The following LHX4 variants were observed in gnomAD, a reference collection of about 807,000 sequenced individuals.
The protein encoded by LHX4 is LIM homeobox 4.
In LHX4, 16 loss-of-function variants were observed where a neutral mutation model predicts 39.2. The observed-to-expected ratio is 0.41, with a 90% CI of 0.28 to 0.62. LHX4 has a LOEUF of 0.62. Ranked by LOEUF, LHX4 falls within the 20% of genes least tolerant of loss-of-function variation. The probability of loss-of-function intolerance (pLI) is 0.33; values close to 1 mark genes in which losing one functional copy is unlikely to be tolerated. For synonymous variants in LHX4, 206 were observed against 198.1 expected, an observed-to-expected ratio of 1.04 and a Z score of -0.33; for missense variants, 439 against 511.9, an observed-to-expected ratio of 0.86 and a Z score of 1.37.
At chr1:180,236,678 G>A (rs1327686234) in intron 1 of LHX4, among the ~76,000 whole-genome samples, 1 of 152,172 alleles carries the variant, frequency 6.6e-6, no homozygotes, top group African/African-American at 2.4e-5. Context: ...TTGTGGATGG[G>A]GGGCGGGTAG....
chr1:180,268,230 C>G (rs1011642972), intron 3 of LHX4, among the ~76,000 whole-genome samples: 22 of 152,182 alleles, frequency 1.4e-4, no homozygotes, highest in African/African-American at 5.3e-4. Flanking sequence ...AAGTCTAGTG[C>G]CGTTCATCAG....
intron 1 of LHX4, among the ~76,000 whole-genome samples, chr1:180,236,774 A>G (rs142127558): frequency 2.4e-4 from 37 of 152,246 alleles, no homozygotes; most frequent in African/African-American, 8.4e-4. Context: ...TGGGACGCAT[A>G]GGGACTTGGA....
intron 1 of LHX4, among the ~76,000 whole-genome samples, chr1:180,238,229 G>A (rs925816502): frequency 5.9e-5 from 9 of 152,164 alleles, no homozygotes; most frequent in African/African-American, 1.2e-4. Context: ...TGACTAAGCC[G>A]AAAAAGAACA....
In LHX4 at chr1:180,274,240, G is replaced by A; in HGVS notation, c.834G>A (p.Gly278=). Residue 278 remains glycine (G), a synonymous_variant, in exon 6 of 6, where the codon GGG becomes GGA. Coordinates refer to ENST00000263726, the MANE Select transcript of LHX4 (RefSeq NM_033343.4). ...GHTNRIYGNV[G]DVTGGQLMNG... is the part of the protein sequence containing the mutation. ...CCAATAGGATTTATGGCAACGTGGG[G>A]GACGTTACAGGCGGACAGTTAATGA... is the stretch of plus-strand genomic sequence containing the variant. 1 of 1,614,206 alleles carries A rather than the reference G, an allele frequency of 6.2e-7. No homozygotes were observed. Among genetic ancestry groups the A allele is most frequent in the Non-Finnish European group, 8.5e-7 (1 of 1,180,028 alleles).
At chr1:180,258,403 C>T (rs1647959806) in intron 2 of LHX4, among the ~76,000 whole-genome samples, 1 of 152,176 alleles carries the variant, frequency 6.6e-6, no homozygotes, top group Non-Finnish European at 1.5e-5. Flanking sequence ...GCCATAGTGC[C>T]TTGGTGGCCG....
chr1:180,256,769 G>A (rs1041396522), intron 2 of LHX4, among the ~76,000 whole-genome samples: 27 of 152,276 alleles, frequency 1.8e-4, no homozygotes, highest in African/African-American at 4.6e-4. Flanking sequence ...TCTCCCGCTC[G>A]GGGGAGTTTG....
At chr1:180,248,176 C>A (rs1293649375) in intron 1 of LHX4, 109 bp from the exon 2 acceptor site, 2 of 996,976 alleles carry the variant, frequency 2.0e-6, no homozygotes, top group African/African-American at 1.6e-5. Flanking sequence ...CGGTTTGGGC[C>A]ATGTCTGTTT....
At chr1:180,268,877 G>C (rs1648453743) in intron 3 of LHX4, among the ~76,000 whole-genome samples, 1 of 152,134 alleles carries the variant, frequency 6.6e-6, no homozygotes, top group African/African-American at 2.4e-5. Flanking sequence ...TGTCTTTTCA[G>C]GTTGTTTTAA....
chr1:180,262,538 T>C (rs1490889043), intron 2 of LHX4, among the ~76,000 whole-genome samples: 2 of 152,164 alleles, frequency 1.3e-5, no homozygotes, highest in Non-Finnish European at 2.9e-5. Context: ...CCCTCTAGGA[T>C]AAACACTTAC....
intron 5 of LHX4, 96 bp from the exon 6 acceptor site, chr1:180,274,089 C>A (rs1374397765): frequency 4.0e-6 from 6 of 1,489,366 alleles, no homozygotes; most frequent in East Asian, 4.5e-5. Flanking sequence ...CATCCTTGGG[C>A]ATCTTTCCTG....
At chr1:180,245,747 T>C (rs1382048059) in intron 1 of LHX4, among the ~76,000 whole-genome samples, 1 of 152,222 alleles carries the variant, frequency 6.6e-6, no homozygotes, top group Non-Finnish European at 1.5e-5. Context: ...ATTGTCATCA[T>C]CACCCCCTTT....
At chr1:180,259,517 A>T (rs923510093) in intron 2 of LHX4, among the ~76,000 whole-genome samples, 1 of 151,308 alleles carries the variant, frequency 6.6e-6, no homozygotes, top group Non-Finnish European at 1.5e-5. Context: ...GGAGGTGGGG[A>T]GGGTCCAAGC....
At chr1:180,242,820 G>A (rs75447374) in intron 1 of LHX4, among the ~76,000 whole-genome samples, 3,645 of 152,226 alleles carry the variant, frequency 0.024, 146 homozygotes, top group African/African-American at 0.083. Flanking sequence ...TAAGTGAAAC[G>A]ACTCCTCATA....
At chr1:180,248,690 G>T (rs1647483874) in intron 2 of LHX4, 1 of 577,434 alleles carries the variant, frequency 1.7e-6, no homozygotes, top group Non-Finnish European at 3.1e-6. Context: ...ATGGGGCAGG[G>T]GTGAGGAGCC....
At chr1:180,258,463 G>A (rs1159632931) in intron 2 of LHX4, among the ~76,000 whole-genome samples, 3 of 152,214 alleles carry the variant, frequency 2.0e-5, no homozygotes, top group Non-Finnish European at 2.9e-5. Flanking sequence ...CCACTGGAAG[G>A]TTTCAGCAGG....
At chr1:180,241,856 T>C (rs1193639204) in intron 1 of LHX4, among the ~76,000 whole-genome samples, 1 of 152,168 alleles carries the variant, frequency 6.6e-6, no homozygotes, top group Non-Finnish European at 1.5e-5. Flanking sequence ...CTTACTCTGT[T>C]GCCCAGACTG....
intron 2 of LHX4, among the ~76,000 whole-genome samples, chr1:180,262,244 G>A (rs1265572218): frequency 1.4e-5 from 2 of 145,398 alleles, no homozygotes; most frequent in Non-Finnish European, 3.0e-5. Flanking sequence ...CTCTGGGATC[G>A]CTGCCCAGCA....
intron 3 of LHX4, among the ~76,000 whole-genome samples, chr1:180,268,560 G>A (rs375802592): frequency 5.9e-5 from 9 of 152,162 alleles, no homozygotes; most frequent in Admixed American, 2.0e-4. Context: ...GCTGACCCTC[G>A]GCTTCTCAGC....
chr1:180,239,720 C>G (rs192196089), intron 1 of LHX4, among the ~76,000 whole-genome samples: 11 of 152,336 alleles, frequency 7.2e-5, no homozygotes, highest in South Asian at 2.1e-4. Flanking sequence ...TTCTCAGAAC[C>G]TTTTAAACGT....
Sources: allele counts gnomAD v4.1 joint callset (sites outside exome capture counted in the v4.1 genomes callset), GRCh38; gene constraint gnomAD v4.1.1; transcripts MANE v1.5; gene names NCBI Gene and HGNC (gene_info 2026-07-23, HGNC 2026-07-21).